The following WNT5A variants were observed in gnomAD, a reference collection of about 807,000 sequenced individuals.
WNT5A encodes the protein protein Wnt-5a.
In WNT5A, 9 loss-of-function variants were observed where a neutral mutation model predicts 42.1. That is an observed-to-expected ratio of 0.21 (90% CI 0.13 to 0.37). The LOEUF (loss-of-function observed/expected upper bound fraction) is 0.37. Ranked by LOEUF, WNT5A falls within the 10% of genes least tolerant of loss-of-function variation. The probability of loss-of-function intolerance (pLI) is 1.00; values close to 1 mark genes in which losing one functional copy is unlikely to be tolerated. For missense variants in WNT5A, 426 were observed against 534.0 expected, an observed-to-expected ratio of 0.80 and a Z score of 1.99; for synonymous variants, 210 against 210.0, an observed-to-expected ratio of 1.00 and a Z score of 0.00.
chr3:55,474,489 G>A lies in WNT5A; in HGVS notation c.532C>T (p.Leu178Phe). The A allele has an allele frequency of 6.3e-7, 1 of 1,596,604 alleles. No homozygotes were observed. Among genetic ancestry groups the A allele is most frequent in the Non-Finnish European group, 8.5e-7 (1 of 1,173,086 alleles). Residue 178 changes from leucine to phenylalanine, a missense_variant, in exon 4 of 5, where the codon CTC becomes TTC. This residue lies in a region of WNT5A where 358 missense variants were observed against 468.1 expected (regional missense o/e 0.76). Transcript: ENST00000264634. ...ATGTTGTCGCCGCAGCCGCCCCAGA[G>A]CCAGTCCCGCGGCAGGTCCTTGGGG... ...ARPKDLPRDW[L>F]WGGCGDNIDY... is the part of the protein sequence containing the mutation.
chr3:55,472,982 G>T (rs1397215956), intron 4 of WNT5A, among the ~76,000 whole-genome samples: 1 of 151,806 alleles, frequency 6.6e-6, no homozygotes, highest in African/African-American at 2.4e-5. Flanking sequence ...TCAGGTAATT[G>T]TAATTGCCAT....
chr3:55,470,167 G>T lies in WNT5A; in HGVS notation c.1068C>A (p.His356Gln), dbSNP rs2051218967. ...QFKTVQTERC[H>Q]CKFHWCCYVK... ...CGTAGCAGCACCAGTGGAACTTGCA[G>T]TGGCAGCGCTCCGTCTGCACGGTCT... The change falls in exon 5 of 5, where the codon CAC becomes CAA. Residue 356 changes from histidine (H) to glutamine (Q), a missense_variant. By Grantham distance (24) the His-to-Gln change is conservative (BLOSUM62 0). This residue lies in a region of WNT5A where 358 missense variants were observed against 468.1 expected (regional missense o/e 0.76). Coordinates refer to ENST00000264634, the MANE Select transcript of WNT5A (RefSeq NM_003392.7). 1 of 1,614,090 alleles carries T rather than the reference G, an allele frequency of 6.2e-7. No individual in the cohort carries two copies. The highest frequency in any genetic ancestry group is 8.5e-7 in the Non-Finnish European group (1 of 1,179,966).
rs1201022874 is a variant in WNT5A at position 55,466,457 on chromosome 3, A to C, written c.*3635T>G. The C allele has an allele frequency of 6.6e-6, 1 of 152,204 alleles. No homozygotes were observed. The highest frequency in any genetic ancestry group is 1.5e-5 in the Non-Finnish European group (1 of 68,032). 9.4% of individuals were successfully genotyped at this position (152,204 alleles called of 1,614,324 possible). ...AATAATGTTTTGTAAAAACAAATTG[A>C]AACTTGGTATTGGCAAAATTGTACG... On this transcript the variant is annotated 3_prime_UTR_variant, in exon 5 of 5. Transcript: ENST00000264634.
intron 1 of WNT5A, among the ~76,000 whole-genome samples, chr3:55,485,936 T>A (rs2051570432): frequency 6.6e-6 from 1 of 152,064 alleles, no homozygotes; most frequent in South Asian, 2.1e-4. Flanking sequence ...CCTTATTTTC[T>A]AAGAAACTTA....
chr3:55,470,303 C>G lies in WNT5A; in HGVS notation c.932G>C (p.Arg311Pro), dbSNP rs752974227. ...YIDPSPDYCV[R>P]NESTGSLGTQ... ...GCCCAGCGAGCCGGTGCTCTCATTG[C>G]GCACGCAGTAGTCAGGGCTGGGGTC... The change falls in exon 5 of 5, where the codon CGC becomes CCC. Residue 311 changes from arginine (R) to proline (P), a missense_variant. Transcript: ENST00000264634. The G allele has an allele frequency of 6.2e-7, 1 of 1,614,046 alleles. No homozygotes were observed. The highest frequency in any genetic ancestry group is 8.5e-7 in the Non-Finnish European group (1 of 1,179,908).
rs572796263 is a variant in WNT5A, at chr3:55,474,519, C to T, written c.502G>A (p.Ala168Thr). Residue 168 changes from alanine to threonine, a missense_variant, in exon 4 of 5, where the codon GCG becomes ACG. Physicochemically the swap from Ala to Thr is moderately conservative, Grantham distance 58. Coordinates refer to ENST00000264634, the MANE Select transcript of WNT5A (RefSeq NM_003392.7). ...TCCCGCGGCAGGTCCTTGGGGCGCGCGGCGCGGCTGCAGCCGCAGGTGGAC... is the reference window on the plus strand; with the variant it reads ...TCCCGCGGCAGGTCCTTGGGGCGCGTGGCGCGGCTGCAGCCGCAGGTGGAC... ...ELSTCGCSRA[A>T]RPKDLPRDWL... 3.9e-5 allele frequency: 61 copies of T among 1,558,576 alleles called. No individual in the cohort carries two copies. Among genetic ancestry groups the T allele is most frequent in the African/African-American group, 2.9e-4 (21 of 73,482 alleles).
At chr3:55,481,279 T>G in intron 1 of WNT5A, 1 of 996,056 alleles carries the variant, frequency 1.0e-6, no homozygotes, top group Non-Finnish European at 1.2e-6. Flanking sequence ...CAGTCCCTCC[T>G]GGGTAATTCA....
upstream of WNT5A, among the ~76,000 whole-genome samples, chr3:55,492,635 CTA>C (rs1217474774): frequency 6.6e-6 from 1 of 152,062 alleles, no homozygotes; most frequent in Non-Finnish European, 1.5e-5. Context: ...CCGGCCATGC[CTA>C]TATGACAGAA....
chr3:55,472,267 C>T (rs1486717159), intron 4 of WNT5A, among the ~76,000 whole-genome samples: 1 of 152,200 alleles, frequency 6.6e-6, no homozygotes, highest in African/African-American at 2.4e-5. Context: ...TCTCTTGCCA[C>T]TTGGAAATCC....
intron 4 of WNT5A, among the ~76,000 whole-genome samples, chr3:55,472,098 A>G (rs2106900972): frequency 6.6e-6 from 1 of 152,204 alleles, no homozygotes. Flanking sequence ...CCCTAGCCCC[A>G]CCATCCCAGA....
intron 3 of WNT5A, among the ~76,000 whole-genome samples, chr3:55,477,183 AT>A (rs2051373288): frequency 6.6e-6 from 1 of 152,290 alleles, no homozygotes; most frequent in East Asian, 1.9e-4. Context: ...GGTATTTTAA[AT>A]TTTCCCTTAG....
chr3:55,504,891 A>C, the WNT5A span, among the ~76,000 whole-genome samples: 1 of 152,122 alleles, frequency 6.6e-6, no homozygotes, highest in Non-Finnish European at 1.5e-5. Flanking sequence ...AAGAATCCCA[A>C]CTCCTAACCC....
At chr3:55,476,934 T>C (rs940602753) in intron 3 of WNT5A, among the ~76,000 whole-genome samples, 1 of 152,072 alleles carries the variant, frequency 6.6e-6, no homozygotes, top group Non-Finnish European at 1.5e-5. Context: ...TGATGAAAAA[T>C]GAGAAACTCT....
chr3:55,501,268 G>A, the WNT5A span, among the ~76,000 whole-genome samples: 5 of 152,156 alleles, frequency 3.3e-5, no homozygotes, highest in East Asian at 1.9e-4. Context: ...CAGCTGCATC[G>A]AACTGGATTG....
In WNT5A at chr3:55,479,562, G is replaced by A. The variant is rs369165725; in HGVS notation, c.143C>T (p.Ser48Leu). The change falls in exon 3 of 5, where the codon TCG becomes TTG. Residue 48 changes from serine (S) to leucine (L), a missense_variant and splice_region_variant. Transcript: ENST00000264634. ...QVVIEANSWW[S>L]LGMNNPVQMS... ...CTGAACAGGGTTATTCATACCTAGCGACCTGCAAGGGGGGGAGATGTGCAT... is the reference window on the plus strand; with the variant it reads ...CTGAACAGGGTTATTCATACCTAGCAACCTGCAAGGGGGGGAGATGTGCAT... The A allele has an allele frequency of 3.8e-6, 6 of 1,583,888 alleles. No individual in the cohort carries two copies. Among genetic ancestry groups the A allele is most frequent in the South Asian group, 2.3e-5 (2 of 86,620 alleles).
Position 55,480,815 on chromosome 3 carries a change from G to C in WNT5A, c.110C>G (p.Ala37Gly), listed in dbSNP as rs190451046. ...AGAATTGGCTTCAATTACAACCTGG[G>C]CGAAGGAGAAAAATATGGCCAAAGC... ...LVALAIFFSFAQVVIEANSWW... is the reference protein window; with the variant it reads ...LVALAIFFSFGQVVIEANSWW... The change falls in exon 2 of 5, where the codon GCC becomes GGC. Residue 37 changes from alanine (A) to glycine (G), a missense_variant. This residue lies in a region of WNT5A where 62 missense variants were observed against 49.0 expected (regional missense o/e 1.26). Coordinates refer to ENST00000264634, the MANE Select transcript of WNT5A (RefSeq NM_003392.7). 347 of 1,575,060 alleles carry C rather than the reference G, an allele frequency of 2.2e-4. No homozygotes were observed. In the African/African-American group the frequency reaches 3.7e-3, roughly 17 times the overall value.
the WNT5A span, among the ~76,000 whole-genome samples, chr3:55,503,218 C>G: frequency 6.6e-6 from 1 of 152,162 alleles, no homozygotes; most frequent in Non-Finnish European, 1.5e-5. Context: ...AGCAGTGGTT[C>G]TTGTGAGAGA....
upstream of WNT5A, among the ~76,000 whole-genome samples, chr3:55,492,396 A>T (rs1356364276): frequency 6.6e-6 from 1 of 152,178 alleles, no homozygotes; most frequent in Non-Finnish European, 1.5e-5. Context: ...CAGTGGAGAT[A>T]GGAAACAAAT....
chr3:55,474,313 G>T, intron 4 of WNT5A, 24 bp downstream of exon 4: 2 of 1,612,158 alleles, frequency 1.2e-6, no homozygotes, highest in South Asian at 2.2e-5. Flanking sequence ...GAGATGCGGG[G>T]CGGGGGCGAG....
Sources: gnomAD v4.1 joint callset for allele counts (sites outside exome capture counted in the v4.1 genomes callset) on GRCh38, gnomAD v4.1.1 for gene constraint, gnomAD v4.1.1 regional missense constraint, MANE v1.5 for transcripts, NCBI Gene and HGNC (gene_info 2026-07-23, HGNC 2026-07-21) for gene names.